The following JAK2 variants were observed in gnomAD, a reference collection of about 807,000 sequenced individuals.
JAK2 encodes the protein tyrosine-protein kinase JAK2.
Under a neutral mutation model 139.3 loss-of-function variants are expected in JAK2, and 86 were observed. The ratio of observed to expected loss-of-function variants is 0.62; its 90% confidence interval spans 0.52 to 0.74. The LOEUF (loss-of-function observed/expected upper bound fraction) is 0.74, where lower values mean the gene tolerates loss of function less well. Ranked by LOEUF, JAK2 falls within the 30% of genes least tolerant of loss-of-function variation. The probability of loss-of-function intolerance (pLI) is 0.00; values close to 1 mark genes in which losing one functional copy is unlikely to be tolerated. For missense variants in JAK2, 1,421 were observed against 1,360.3 expected (o/e 1.04, Z -0.70); for synonymous variants, 490 against 437.7 (o/e 1.12, Z -1.49).
chr9:5,057,169 G>A (rs1474370288), intron 8 of JAK2, among the ~76,000 whole-genome samples: 1 of 151,876 alleles, frequency 6.6e-6, no homozygotes, highest in Non-Finnish European at 1.5e-5. Flanking sequence ...GATACATCAT[G>A]TTTCTTGCTG....
At position 5,054,749 on chromosome 9, in the gene JAK2, A is replaced by C. The variant is rs1297483126; in HGVS notation, c.801A>C (p.Thr267=). The change falls in exon 7 of 25, where the codon ACA becomes ACC. Residue 267 remains threonine (T), a synonymous_variant. Transcript: ENST00000381652. This position sits in a 1 kb window ranked among gnomAD's most constrained non-coding sequence, Gnocchi z 4.9. ...NLETLQSAFY[T]EKFEVKEPGS... The stretch of plus-strand genomic sequence containing the variant: ...AAACTCTGCAGTCTGCCTTCTACAC[A>C]GAGAAATTTGAAGTAAAAGAACCTG... 6.2e-7 allele frequency: 1 copy of C among 1,613,370 alleles called. No homozygotes were observed. The highest frequency in any genetic ancestry group is 1.7e-5 in the Admixed American group (1 of 59,948).
chr9:5,108,372 T>C (rs761382688), intron 22 of JAK2: 29 of 152,138 alleles, frequency 1.9e-4, no homozygotes, highest in Admixed American at 3.9e-4. Context: ...ATATTTCCTA[T>C]TGTACACACT....
chr9:5,061,645 C>G (rs1246832733), intron 8 of JAK2, among the ~76,000 whole-genome samples: 1 of 152,228 alleles, frequency 6.6e-6, no homozygotes, highest in African/African-American at 2.4e-5. Flanking sequence ...GATCTTCTAT[C>G]TAGAACTTTC....
At chr9:5,066,599 T>C (rs1818587859) in intron 9 of JAK2, 79 bp from the exon 10 acceptor site, 13 of 797,576 alleles carry the variant, frequency 1.6e-5, no homozygotes, top group Non-Finnish European at 2.0e-5. Flanking sequence ...GATTTGACTT[T>C]TGATTGTTTT....
intron 2 of JAK2, among the ~76,000 whole-genome samples, chr9:4,999,952 T>C (rs1820833445): frequency 6.6e-6 from 1 of 152,190 alleles, no homozygotes; most frequent in Non-Finnish European, 1.5e-5. Context: ...CACTGGGTAT[T>C]GGCATTCTTC....
intron 13 of JAK2, among the ~76,000 whole-genome samples, chr9:5,072,971 C>A (rs899852272): frequency 1.3e-5 from 2 of 151,830 alleles, no homozygotes; most frequent in African/African-American, 4.8e-5. Context: ...AAACAAAAAA[C>A]CAAGTTTCAA....
At chr9:5,044,611 G>A (rs1563952681) in intron 5 of JAK2, 91 bp downstream of exon 5, 1 of 774,086 alleles carries the variant, frequency 1.3e-6, no homozygotes, top group African/African-American at 1.8e-5. Context: ...CTTTACATAT[G>A]GGAAAATTGC....
intron 4 of JAK2, among the ~76,000 whole-genome samples, chr9:5,036,502 C>G (rs572326767): frequency 2.2e-4 from 34 of 152,310 alleles, no homozygotes; most frequent in Admixed American, 5.9e-4. Context: ...GTAACCAAAA[C>G]AGCATGGTAC....
At chr9:5,000,492 GAAAT>G (rs1333955387) in intron 2 of JAK2, among the ~76,000 whole-genome samples, 1 of 152,132 alleles carries the variant, frequency 6.6e-6, no homozygotes, top group Non-Finnish European at 1.5e-5. Flanking sequence ...ACATAAAAAT[GAAAT>G]AAAGGCATAT....
At chr9:5,002,255 C>G (rs933252221) in intron 2 of JAK2, among the ~76,000 whole-genome samples, 7 of 151,680 alleles carry the variant, frequency 4.6e-5, no homozygotes, top group Non-Finnish European at 1.0e-4. Context: ...TCATATCTTT[C>G]TTCTTTTCCA....
chr9:5,042,305 T>A (rs895328552), intron 4 of JAK2, among the ~76,000 whole-genome samples: 1 of 149,894 alleles, frequency 6.7e-6, no homozygotes, highest in Non-Finnish European at 1.5e-5. Flanking sequence ...GCCCGGCTAA[T>A]TTTTTGTATT....
rs758479739 is a variant in JAK2, at chr9:5,022,174, G to A, written c.187G>A (p.Val63Ile). ...DYLTFPSGEY[V>I]AEEICIAASK... ...TCTGACCTTTCCATCTGGGGAGTATGTTGCAGAAGAAATCTGTATTGCTGC... is the reference window on the plus strand; with the variant it reads ...TCTGACCTTTCCATCTGGGGAGTATATTGCAGAAGAAATCTGTATTGCTGC... The change falls in exon 3 of 25, where the codon GTT becomes ATT. Residue 63 changes from valine to isoleucine, a missense_variant. By Grantham distance (29) the Val-to-Ile change is conservative. Coordinates refer to ENST00000381652, the MANE Select transcript of JAK2 (RefSeq NM_004972.4). 3.7e-6 allele frequency: 6 copies of A among 1,614,154 alleles called. No homozygotes were observed. The Admixed American group carries it at 1.0e-4, about 27-fold the overall frequency.
chr9:5,021,065 A>C (rs1014786765), intron 2 of JAK2, among the ~76,000 whole-genome samples: 11 of 151,978 alleles, frequency 7.2e-5, no homozygotes, highest in African/African-American at 2.7e-4. Flanking sequence ...GGATTGCAGG[A>C]GTTTGCAGTG....
chr9:5,091,278 T>G (rs141008506), intron 22 of JAK2: 1 of 160,160 alleles, frequency 6.2e-6, no homozygotes, highest in African/African-American at 2.4e-5. Flanking sequence ...ACTTGGGTGG[T>G]ATAATGGTTA....
chr9:5,124,621 C>G (rs186700851), intron 23 of JAK2, among the ~76,000 whole-genome samples: 59 of 151,872 alleles, frequency 3.9e-4, no homozygotes, highest in Non-Finnish European at 6.8e-4. Flanking sequence ...GCAAAAAGAA[C>G]AAAGCTGGAA....
In JAK2 at chr9:5,123,006, A is replaced by T. The variant is rs199942090; in HGVS notation, c.3062A>T (p.Tyr1021Phe). 2.7e-5 allele frequency: 43 copies of T among 1,600,952 alleles called. No individual in the cohort carries two copies. Among genetic ancestry groups the T allele is most frequent in the Non-Finnish European group, 8.5e-7 (1 of 1,170,446 alleles). ...AAATGTTATTCATATATTTACAGGTATGCTCCAGAATCACTGACAGAGAGC... is the reference window on the plus strand; with the variant it reads ...AAATGTTATTCATATATTTACAGGTTTGCTCCAGAATCACTGACAGAGAGC... ...KEPGESPIFW[Y>F]APESLTESKF... The change falls in exon 23 of 25, where the codon TAT becomes TTT. Residue 1021 changes from tyrosine to phenylalanine, a missense_variant and splice_region_variant. Tyr to Phe is a conservative substitution (Grantham distance 22, BLOSUM62 3). Coordinates refer to ENST00000381652, the MANE Select transcript of JAK2 (RefSeq NM_004972.4).
chr9:5,080,951 A>G (rs1819653665), intron 18 of JAK2, among the ~76,000 whole-genome samples: 1 of 129,022 alleles, frequency 7.8e-6, no homozygotes, highest in Non-Finnish European at 1.5e-5. Flanking sequence ...GCTGGAGTGC[A>G]GTGGCGCGAT....
chr9:5,057,832 C>T (rs929444539), intron 8 of JAK2, among the ~76,000 whole-genome samples: 1 of 152,038 alleles, frequency 6.6e-6, no homozygotes, highest in Non-Finnish European at 1.5e-5. Flanking sequence ...CCGCCTGCCT[C>T]ATCCTCCCAA....
In JAK2 at chr9:5,054,441, G is replaced by T; in HGVS notation, c.615-122G>T. The T allele has an allele frequency of 2.8e-6, 2 of 726,048 alleles. No individual in the cohort carries two copies. Among genetic ancestry groups the T allele is most frequent in the Non-Finnish European group, 4.6e-6 (2 of 435,286 alleles). 45.0% of individuals were successfully genotyped at this position (726,048 alleles called of 1,614,324 possible). On this transcript the variant is annotated intron_variant, in intron 6 of 24. Transcript: ENST00000381652. The surrounding 1 kb of genome is among the most constrained non-coding windows in gnomAD (Gnocchi z 4.9). ...GGGTTATGTCAACTTACGCCACTTG[G>T]CCACTGTGTTGTAAGGCCTACTTAA...
Sources: allele counts gnomAD v4.1 joint callset (sites outside exome capture counted in the v4.1 genomes callset), GRCh38; gene constraint gnomAD v4.1.1; non-coding constraint Gnocchi (gnomAD v3.1); transcripts MANE v1.5; gene names NCBI Gene and HGNC (gene_info 2026-07-23, HGNC 2026-07-21).